The following ADGRL2 variants were observed in gnomAD, a reference collection of about 807,000 sequenced individuals.
ADGRL2 encodes the protein calcium-independent alpha-latrotoxin receptor 2.
ADGRL2 carries 44 observed loss-of-function variants against 157.4 expected under a neutral mutation model. That is an observed-to-expected ratio of 0.28 (90% CI 0.22 to 0.36). ADGRL2 has a LOEUF of 0.36. ADGRL2 is among the 10% of genes least tolerant of loss of function. The pLI is 1.00. For missense variants in ADGRL2, 1,510 were observed against 1,768.9 expected (o/e 0.85, Z 2.63); for synonymous variants, 585 against 624.7 (o/e 0.94, Z 0.95).
chr1:81,849,253 C>G (rs1475916706), intron 2 of ADGRL2, among the ~76,000 whole-genome samples: 1 of 151,890 alleles, frequency 6.6e-6, no homozygotes. Context: ...ATTTGAAAGG[C>G]TGGTGAATCT....
Position 81,966,472 on chromosome 1 carries a change from A to G in ADGRL2, c.2212A>G (p.Ile738Val), listed in dbSNP as rs1447789363. 3 of 1,614,148 alleles carry G rather than the reference A, an allele frequency of 1.9e-6. No individual in the cohort carries two copies. Among genetic ancestry groups the G allele is most frequent in the Non-Finnish European group, 2.5e-6 (3 of 1,180,018 alleles). The stretch of plus-strand genomic sequence containing the variant: ...GTTCCTTAGTACAGAAAATGCAACC[A>G]TTAAACTGGGTGCTGATTTTATTGG... ...GQFLSTENATIKLGADFIGRN... is the reference protein window; with the variant it reads ...GQFLSTENATVKLGADFIGRN... Residue 738 changes from isoleucine to valine, a missense_variant, in exon 13 of 24, where the codon ATT becomes GTT. Ile to Val is a conservative substitution (Grantham distance 29). This residue lies in a region of ADGRL2 where 497 missense variants were observed against 627.2 expected (regional missense o/e 0.79). Transcript: ENST00000686636.
intron 1 of ADGRL2, among the ~76,000 whole-genome samples, chr1:81,833,034 G>T (rs2092057576): frequency 6.6e-6 from 1 of 152,104 alleles, no homozygotes; most frequent in Non-Finnish European, 1.5e-5. Flanking sequence ...GCAGAATTGG[G>T]TTAGTGTCAT....
chr1:81,883,485 T>G (rs2094040990), intron 2 of ADGRL2, among the ~76,000 whole-genome samples: 1 of 152,168 alleles, frequency 6.6e-6, no homozygotes, highest in African/African-American at 2.4e-5. Context: ...CACTTTGTAG[T>G]TACTAATTCT....
chr1:81,590,643 G>A (rs1354119322), intron 3 of ADGRL2, among the ~76,000 whole-genome samples: 1 of 152,094 alleles, frequency 6.6e-6, no homozygotes, highest in Non-Finnish European at 1.5e-5. Flanking sequence ...TAAACAGCAT[G>A]TCCTCCAAGC....
At chr1:81,484,401 C>G (rs1414423427) in intron 2 of ADGRL2, among the ~76,000 whole-genome samples, 2 of 152,140 alleles carry the variant, frequency 1.3e-5, no homozygotes, top group Non-Finnish European at 1.5e-5. Flanking sequence ...GACATCTGAA[C>G]TCCATAAATC....
intron 3 of ADGRL2, among the ~76,000 whole-genome samples, chr1:81,921,641 T>C (rs1362895945): frequency 6.6e-6 from 1 of 152,218 alleles, no homozygotes; most frequent in African/African-American, 2.4e-5. Context: ...TAGATTTTGA[T>C]GAACCGAGCC....
intron 2 of ADGRL2, among the ~76,000 whole-genome samples, chr1:81,895,102 C>G (rs1027078106): frequency 2.0e-5 from 3 of 152,076 alleles, no homozygotes. Context: ...TTGCTTGAGT[C>G]AGCAGTGGTT....
Position 81,333,077 on chromosome 1 carries a change from A to G in ADGRL2, c.-302+26568A>G, listed in dbSNP as rs1317761161. ...ATCATGAAACCTCTCTAGACCTTGT[A>G]GATGTGGTTCACCATGTTGTAAAGT... On this transcript the variant is annotated intron_variant, in intron 1 of 24. Coordinates refer to the ADGRL2 transcript ENST00000370721. 2.0e-5 allele frequency among the ~76,000 whole-genome samples: 3 copies of G among 152,174 alleles called. No individual in the cohort carries two copies. The East Asian group carries it at 5.8e-4, about 29-fold the overall frequency.
chr1:81,324,166 T>C (rs948134402), intron 1 of ADGRL2, among the ~76,000 whole-genome samples: 1 of 152,108 alleles, frequency 6.6e-6, no homozygotes, highest in African/African-American at 2.4e-5. Context: ...GTCATTAGGC[T>C]TCAAGCGGAG....
intron 3 of ADGRL2, among the ~76,000 whole-genome samples, chr1:81,581,278 G>C (rs968029915): frequency 1.3e-5 from 2 of 152,136 alleles, no homozygotes; most frequent in Non-Finnish European, 2.9e-5. Flanking sequence ...TGTATGTAAA[G>C]TAAAAACTAC....
At chr1:81,731,979 C>T (rs910736815) in intron 1 of ADGRL2, among the ~76,000 whole-genome samples, 10 of 152,192 alleles carry the variant, frequency 6.6e-5, no homozygotes, top group African/African-American at 1.9e-4. Flanking sequence ...CCAATGCTCT[C>T]GCTATCCACA....
intron 10 of ADGRL2, among the ~76,000 whole-genome samples, chr1:81,955,464 C>A (rs1460157756): frequency 6.6e-6 from 1 of 151,918 alleles, no homozygotes; most frequent in Middle Eastern, 3.2e-3. Flanking sequence ...TAATCTATTC[C>A]AAAGACATCA....
At chr1:81,647,272 C>T (rs2082331898) in intron 3 of ADGRL2, among the ~76,000 whole-genome samples, 2 of 152,130 alleles carry the variant, frequency 1.3e-5, no homozygotes, top group South Asian at 2.1e-4. Context: ...TGTTTGAATG[C>T]AGAATTTTGA....
At chr1:81,604,750 T>A (rs1034727813) in intron 3 of ADGRL2, among the ~76,000 whole-genome samples, 1 of 152,056 alleles carries the variant, frequency 6.6e-6, no homozygotes. Context: ...CATCTTCTCA[T>A]CAAGAACACA....
intron 10 of ADGRL2, 104 bp downstream of exon 10, chr1:81,953,129 T>C: frequency 2.1e-6 from 2 of 945,898 alleles, no homozygotes; most frequent in Middle Eastern, 2.2e-4. Context: ...TTGATAATTA[T>C]ATAATGTGCC....
At chr1:81,788,710 T>C (rs534836570) in intron 2 of ADGRL2, among the ~76,000 whole-genome samples, 1 of 152,216 alleles carries the variant, frequency 6.6e-6, no homozygotes, top group East Asian at 1.9e-4. Context: ...TCTTCAGAAG[T>C]TGGAAATCCA....
intron 1 of ADGRL2, among the ~76,000 whole-genome samples, chr1:81,401,919 T>C (rs2076763454): frequency 6.6e-6 from 1 of 152,240 alleles, no homozygotes; most frequent in African/African-American, 2.4e-5. Context: ...AATAACTTGT[T>C]CAGCCATAGA....
At chr1:81,970,677 C>A in intron 16 of ADGRL2, 143 bp downstream of exon 16, 1 of 545,810 alleles carries the variant, frequency 1.8e-6, no homozygotes, top group South Asian at 3.0e-5. Context: ...GCACAAATTA[C>A]AATCAAGTCT....
At chr1:81,710,615 G>A (rs1416260959) in intron 1 of ADGRL2, among the ~76,000 whole-genome samples, 1 of 120,684 alleles carries the variant, frequency 8.3e-6, no homozygotes, top group Non-Finnish European at 1.7e-5. Flanking sequence ...GAGAGACTCT[G>A]CTCAAAAAAT....
Sources: gnomAD v4.1 joint callset for allele counts (sites outside exome capture counted in the v4.1 genomes callset) on GRCh38, gnomAD v4.1.1 for gene constraint, gnomAD v4.1.1 regional missense constraint, MANE v1.5 for transcripts, NCBI Gene and HGNC (gene_info 2026-07-23, HGNC 2026-07-21) for gene names.